The following ABCD4 variants were observed in gnomAD, a reference collection of about 807,000 sequenced individuals.
ABCD4 encodes ATP binding cassette subfamily D member 4.
A neutral mutation model predicts 86.3 loss-of-function variants in ABCD4; 53 were observed. That is an observed-to-expected ratio of 0.61 (90% CI 0.49 to 0.77). The LOEUF (loss-of-function observed/expected upper bound fraction) is 0.77, where lower values mean the gene tolerates loss of function less well. Ranked by LOEUF, ABCD4 falls within the 30% of genes least tolerant of loss-of-function variation. The pLI is 0.00. For missense variants in ABCD4, 757 were observed against 764.5 expected, an observed-to-expected ratio of 0.99 and a Z score of 0.12; for synonymous variants, 328 against 313.6, an observed-to-expected ratio of 1.05 and a Z score of -0.49.
chr14:74,289,233 G>A, intron 14 of ABCD4: 1 of 1,341,552 alleles, frequency 7.5e-7, no homozygotes. Context: ...CTTCATAAGG[G>A]AAGGGGTGGG....
intron 11 of ABCD4, 89 bp from the exon 12 acceptor site, chr14:74,290,588 T>A: frequency 1.1e-6 from 1 of 948,244 alleles, no homozygotes; most frequent in East Asian, 2.4e-5. Flanking sequence ...CCACCACCTG[T>A]GGATTATTAT....
intron 17 of ABCD4, among the ~76,000 whole-genome samples, chr14:74,287,318 G>A (rs1190825600): frequency 6.6e-6 from 1 of 152,178 alleles, no homozygotes; most frequent in Non-Finnish European, 1.5e-5. Flanking sequence ...GGAGGCCAAC[G>A]TGGGAGGATG....
chr14:74,298,613 C>CT (rs1447519433), intron 3 of ABCD4, among the ~76,000 whole-genome samples: 6 of 152,122 alleles, frequency 3.9e-5, no homozygotes. Context: ...GCAAGACCCT[C>CT]TTTCTACACT....
intron 1 of ABCD4, among the ~76,000 whole-genome samples, chr14:74,301,673 G>C (rs1360083516): frequency 6.6e-6 from 1 of 151,932 alleles, no homozygotes; most frequent in Non-Finnish European, 1.5e-5. Context: ...TCGGGAGGCC[G>C]AGGCGGGTGG....
intron 7 of ABCD4, chr14:74,293,455 G>A: frequency 4.2e-6 from 2 of 477,088 alleles, no homozygotes; most frequent in Non-Finnish European, 7.4e-6. Flanking sequence ...TCTAGAGTTG[G>A]GCAGACCTAG....
chr14:74,301,159 TC>T (rs1788949392), intron 1 of ABCD4, among the ~76,000 whole-genome samples: 1 of 127,452 alleles, frequency 7.8e-6, no homozygotes. Context: ...TGGCCTAAAA[TC>T]TTTTTTTTTT....
chr14:74,293,108 C>G lies in ABCD4; in HGVS notation c.814+46G>C, dbSNP rs763239218. 8 of 1,582,946 alleles carry G rather than the reference C, an allele frequency of 5.1e-6. No homozygotes were observed. In the Admixed American group the frequency reaches 1.4e-4, roughly 27 times the overall value. Reference sequence around the variant, plus strand: ...AGAGAGGTGTGGGAAGGGAAGCAGACCAGTCCAACCCCATGGTTCCCACTT... The same window carrying G: ...AGAGAGGTGTGGGAAGGGAAGCAGAGCAGTCCAACCCCATGGTTCCCACTT... On this transcript the variant is annotated intron_variant, in intron 8 of 18. Coordinates refer to ENST00000356924, the MANE Select transcript of ABCD4 (RefSeq NM_005050.4).
chr14:74,289,466 A>G lies in ABCD4; in HGVS notation c.1456+17T>C. On this transcript the variant is annotated intron_variant, in intron 14 of 18. Coordinates refer to ENST00000356924, the MANE Select transcript of ABCD4 (RefSeq NM_005050.4). ...ATGACAGAAGGAGAGGACATGACCT[A>G]AGGAGGACCAGCTCACCTGAGTCGG... 2 of 1,613,784 alleles carry G rather than the reference A, an allele frequency of 1.2e-6. No homozygotes were observed. The highest frequency in any genetic ancestry group is 1.7e-6 in the Non-Finnish European group (2 of 1,179,862).
At chr14:74,293,103 G>A in intron 8 of ABCD4, 51 bp downstream of exon 8, 1 of 1,574,856 alleles carries the variant, frequency 6.3e-7, no homozygotes, top group South Asian at 1.1e-5. Context: ...GGGAAGGGAA[G>A]CAGACCAGTC....
At position 74,297,995 on chromosome 14, in the gene ABCD4, G is replaced by A. The variant is rs1050702853; in HGVS notation, c.360C>T (p.His120=). Residue 120 remains histidine, a synonymous_variant, in exon 4 of 19, where the codon CAC becomes CAT. Transcript: ENST00000356924. ...SWRKDLTEHL[H]RLYFRGRAYY... ...ACGCACGGCCCCGGAAGTAGAGGCG[G>A]TGAAGGTGCTCAGTGAGGTCCTTCC... 1.2e-6 allele frequency: 2 copies of A among 1,613,922 alleles called. No homozygotes were observed. Among genetic ancestry groups the A allele is most frequent in the East Asian group, 2.2e-5 (1 of 44,892 alleles).
chr14:74,289,363 TC>T, intron 14 of ABCD4, 119 bp downstream of exon 14: 2 of 1,498,378 alleles, frequency 1.3e-6, no homozygotes, highest in Non-Finnish European at 1.8e-6. Context: ...GAGCCCCTCT[TC>T]CTTGAATCAG....
chr14:74,288,992 GC>G, intron 14 of ABCD4: 1 of 912,520 alleles, frequency 1.1e-6, no homozygotes, highest in Non-Finnish European at 1.5e-6. Flanking sequence ...TGCACCTGTA[GC>G]CCCAGCTACG....
At chr14:74,294,631 G>C (rs1192970905) in intron 7 of ABCD4, 1 of 161,584 alleles carries the variant, frequency 6.2e-6, no homozygotes, top group African/African-American at 2.4e-5. Context: ...TCTGGCCCTG[G>C]AGGGAAGGGA....
chr14:74,290,150 A>C, intron 12 of ABCD4, 32 bp from the exon 13 acceptor site: 12 of 1,613,690 alleles, frequency 7.4e-6, no homozygotes, highest in African/African-American at 1.3e-5. Context: ...CCATTGTGAG[A>C]TCTCCCAGAA....
intron 2 of ABCD4, 175 bp from the exon 3 acceptor site, chr14:74,299,850 T>C (rs1010387290): frequency 2.4e-5 from 15 of 615,652 alleles, no homozygotes; most frequent in Non-Finnish European, 4.2e-5. Context: ...TCACCTGAGG[T>C]CATGAGTTCG....
intron 14 of ABCD4, 36 bp downstream of exon 14, chr14:74,289,447 G>GA (rs1566930557): frequency 6.2e-7 from 1 of 1,613,116 alleles, no homozygotes; most frequent in Non-Finnish European, 8.5e-7. Flanking sequence ...AACCATGACA[G>GA]AAGGAGAGGA....
Position 74,286,036 on chromosome 14 carries a change from A to T in ABCD4, c.*425T>A, listed in dbSNP as rs1334659921. On this transcript the variant is annotated 3_prime_UTR_variant, in exon 19 of 19. Coordinates refer to ENST00000356924, the MANE Select transcript of ABCD4 (RefSeq NM_005050.4). ...TTTTCTTTGTAAAAAACTTATTAAA[A>T]AACTTAAATGGTCAGTTAAAGTTAA... The T allele has an allele frequency of 6.5e-6, 1 of 154,890 alleles. No individual in the cohort carries two copies. Among genetic ancestry groups the T allele is most frequent in the African/African-American group, 2.4e-5 (1 of 41,524 alleles). 9.6% of individuals were successfully genotyped at this position (154,890 alleles called of 1,614,324 possible).
Position 74,292,332 on chromosome 14 carries a change from G to A in ABCD4, c.1073C>T (p.Ser358Leu), listed in dbSNP as rs928586027. The A allele has an allele frequency of 6.2e-6, 10 of 1,613,992 alleles. No homozygotes were observed. Among genetic ancestry groups the A allele is most frequent in the Non-Finnish European group, 7.6e-6 (9 of 1,180,048 alleles). ...RETLLDMSLK[S>L]QDCEILGESE... ...CTCGCCCAGGATCTCGCAGTCCTGT[G>A]ACTTCAGGGACATGTCCAGAAGCGT... The change falls in exon 11 of 19, where the codon TCA becomes TTA. Residue 358 changes from serine (S) to leucine (L), a missense_variant. By Grantham distance (145) the Ser-to-Leu change is moderately radical (BLOSUM62 -2). Coordinates refer to ENST00000356924, the MANE Select transcript of ABCD4 (RefSeq NM_005050.4).
intron 4 of ABCD4, 86 bp from the exon 5 acceptor site, chr14:74,296,535 C>A: frequency 1.6e-6 from 2 of 1,244,794 alleles, no homozygotes; most frequent in East Asian, 2.3e-5. Flanking sequence ...CACCTCTGCT[C>A]TTGACCTTGC....
Sources: allele counts gnomAD v4.1 joint callset (sites outside exome capture counted in the v4.1 genomes callset), GRCh38; gene constraint gnomAD v4.1.1; transcripts MANE v1.5; gene names NCBI Gene and HGNC (gene_info 2026-07-23, HGNC 2026-07-21).